CNTN6: variants seen among roughly 807,000 people sequenced by gnomAD.
CNTN6 encodes contactin 6.
Under a neutral mutation model 122.8 loss-of-function variants are expected in CNTN6, and 137 were observed. That is an observed-to-expected ratio of 1.12 (90% CI 0.97 to 1.29). The LOEUF is 1.29. Ranked by LOEUF, CNTN6 falls within the 50% of genes most tolerant of loss-of-function variation. CNTN6 has a pLI of 0.00. For missense variants in CNTN6, 1,634 were observed against 1,223.4 expected (o/e 1.34, Z -5.01); for synonymous variants, 570 against 426.0 (o/e 1.34, Z -4.16).
At chr3:1,309,666 A>G (rs1559782264) in intron 7 of CNTN6, among the ~76,000 whole-genome samples, 1 of 152,168 alleles carries the variant, frequency 6.6e-6, no homozygotes, top group Non-Finnish European at 1.5e-5. Flanking sequence ...TATATCCATG[A>G]AATAGCAATT....
At chr3:1,181,353 AAGG>A (rs2093550987) in intron 2 of CNTN6, among the ~76,000 whole-genome samples, 1 of 152,312 alleles carries the variant, frequency 6.6e-6, no homozygotes, top group South Asian at 2.1e-4. Context: ...GTCACAGAAA[AAGG>A]AGATGACTTC....
intron 17 of CNTN6, among the ~76,000 whole-genome samples, chr3:1,378,611 A>G (rs897463979): frequency 2.0e-5 from 3 of 152,032 alleles, no homozygotes; most frequent in Non-Finnish European, 2.9e-5. Flanking sequence ...ACAGAGGGGG[A>G]AACCCTATTT....
chr3:1,160,158 C>G (rs1055909667), intron 2 of CNTN6, among the ~76,000 whole-genome samples: 7 of 151,722 alleles, frequency 4.6e-5, no homozygotes, highest in African/African-American at 1.7e-4. Context: ...TCCAAAATAT[C>G]TCAGTAAGTA....
At chr3:1,322,420 G>T (rs1700983577) in intron 8 of CNTN6, among the ~76,000 whole-genome samples, 1 of 151,494 alleles carries the variant, frequency 6.6e-6, no homozygotes, top group South Asian at 2.1e-4. Flanking sequence ...TTTAATCCAG[G>T]ATTGAAATTT....
chr3:1,300,557 AAAAGAAAGAAAGAAAGAAAGAAAG>A (rs202226482), intron 7 of CNTN6, among the ~76,000 whole-genome samples: 1,789 of 107,238 alleles, frequency 0.017, 23 homozygotes, highest in African/African-American at 0.035. Context: ...AAGAGAAAGA[AAAAGAAAGAAAGAAAGAAAGAAAG>A]AAAGAAAGAA....
intron 2 of CNTN6, among the ~76,000 whole-genome samples, chr3:1,204,799 A>G (rs1559509573): frequency 6.6e-6 from 1 of 152,118 alleles, no homozygotes; most frequent in Non-Finnish European, 1.5e-5. Flanking sequence ...TAACATGTGT[A>G]ACTAATATAA....
At chr3:1,223,488 A>G (rs1256770542) in intron 3 of CNTN6, among the ~76,000 whole-genome samples, 1 of 152,238 alleles carries the variant, frequency 6.6e-6, no homozygotes, top group Non-Finnish European at 1.5e-5. Flanking sequence ...AGATCACATA[A>G]CACATGAGAA....
intron 4 of CNTN6, among the ~76,000 whole-genome samples, chr3:1,242,396 C>T (rs1394122997): frequency 5.3e-5 from 8 of 152,108 alleles, no homozygotes; most frequent in South Asian, 4.2e-4. Context: ...GTTGATAAGG[C>T]GCAGATCCTG....
chr3:1,348,054 T>G (rs1393857775), intron 11 of CNTN6, among the ~76,000 whole-genome samples: 1 of 150,694 alleles, frequency 6.6e-6, no homozygotes, highest in African/African-American at 2.4e-5. Flanking sequence ...ACCTATTGAC[T>G]GCTAATGGAG....
intron 1 of CNTN6, among the ~76,000 whole-genome samples, chr3:1,119,353 G>GTGTGTGT (rs377642286): frequency 6.7e-6 from 1 of 150,148 alleles, no homozygotes; most frequent in Non-Finnish European, 1.5e-5. Flanking sequence ...GTGTGTGTGT[G>GTGTGTGT]GAGAATGTCT....
intron 4 of CNTN6, among the ~76,000 whole-genome samples, chr3:1,247,781 C>T (rs74680478): frequency 0.02 from 2,989 of 152,138 alleles, 80 homozygotes; most frequent in African/African-American, 0.063. Flanking sequence ...ATGGTAGCTT[C>T]CTATAGCATA....
In CNTN6 at chr3:1,382,960, C is replaced by T. The variant is rs1476113563; in HGVS notation, c.2185C>T (p.Gln729Ter). 2 of 1,613,702 alleles carry T rather than the reference C, an allele frequency of 1.2e-6. No homozygotes were observed. The highest frequency in any genetic ancestry group is 1.7e-5 in the Admixed American group (1 of 59,984). Reference protein sequence around the residue: ...ITWESIPEELQNGEGFGYIIM... With the variant: ...ITWESIPEEL ...GCCCAAGTCAATTCCAGAAGAACTGCAGAATGGGGAGGGATTTGGATATAT... is the reference window on the plus strand; with the variant it reads ...GCCCAAGTCAATTCCAGAAGAACTGTAGAATGGGGAGGGATTTGGATATAT... The change falls in exon 18 of 23, where the codon CAG (glutamine) becomes TAG (stop). Residue 729 changes from glutamine (Q) to a stop codon, truncating the protein, a stop_gained. Coordinates refer to ENST00000446702, the MANE Select transcript of CNTN6 (RefSeq NM_001289080.2). LOFTEE classifies it high-confidence loss of function.
rs752682158 is a variant in CNTN6, at chr3:1,325,863, A to G, written c.995A>G (p.Tyr332Cys). The change falls in exon 9 of 23, where the codon TAT becomes TGT. Residue 332 changes from tyrosine to cysteine, a missense_variant. Transcript: ENST00000446702. ...ATCCAAAATACACACCTCTCTATCT[A>G]TGACAACTTGCTCTGGGAATGTAAA... ...QKIQNTHLSI[Y>C]DNLLWECKAS... The G allele has an allele frequency of 3.1e-6, 5 of 1,611,928 alleles. No homozygotes were observed. The South Asian group carries it at 3.3e-5, about 11-fold the overall frequency.
At chr3:1,289,004 C>T (rs548354270) in intron 5 of CNTN6, among the ~76,000 whole-genome samples, 1 of 152,194 alleles carries the variant, frequency 6.6e-6, no homozygotes, top group Non-Finnish European at 1.5e-5. Context: ...AGCTCTAATG[C>T]TACTGCTGAC....
rs1267821326 is a variant in CNTN6 at position 1,382,937 on chromosome 3, C to CCAAGT, written c.2167-1_2170dup. 2 of 1,606,158 alleles carry CCAAGT rather than the reference C, an allele frequency of 1.2e-6. No individual in the cohort carries two copies. Among genetic ancestry groups the CCAAGT allele is most frequent in the African/African-American group, 1.3e-5 (1 of 74,832 alleles). On this transcript the variant is annotated splice_region_variant and splice_polypyrimidine_tract_variant and intron_variant, in intron 17 of 22. Coordinates refer to ENST00000446702, the MANE Select transcript of CNTN6 (RefSeq NM_001289080.2). ...TACTCAGTGATTGATCACATTCTGC[C>CCAAGT]CAAGTCAATTCCAGAAGAACTGCAG...
chr3:1,392,352 T>C (rs1694287710), intron 20 of CNTN6, among the ~76,000 whole-genome samples: 4 of 152,252 alleles, frequency 2.6e-5, no homozygotes, highest in African/African-American at 9.6e-5. Flanking sequence ...TGGCTACCCA[T>C]ATGTAGAAAG....
rs77541473 is a variant in CNTN6 at position 1,212,503 on chromosome 3, GTATA to G, written c.56-8177_56-8174del. Among the ~76,000 whole-genome samples, 1,062 of 149,760 alleles carry G rather than the reference GTATA, an allele frequency of 7.1e-3. 6 individuals carry two copies. The highest frequency in any genetic ancestry group is 0.042 in the South Asian group (200 of 4,718). ...TGTGTGTGTATATATATACATGTGT[GTATA>G]TATATACATATGTGTGTGTATATAT... On this transcript the variant is annotated intron_variant, in intron 2 of 22. Coordinates refer to ENST00000446702, the MANE Select transcript of CNTN6 (RefSeq NM_001289080.2).
intron 4 of CNTN6, among the ~76,000 whole-genome samples, chr3:1,257,861 G>A (rs374821259): frequency 1.1e-4 from 16 of 152,086 alleles, no homozygotes; most frequent in African/African-American, 2.9e-4. Flanking sequence ...AGATACTAAT[G>A]GTTTCTGATG....
chr3:1,314,602 C>T (rs745472790), intron 7 of CNTN6, among the ~76,000 whole-genome samples: 1 of 152,078 alleles, frequency 6.6e-6, no homozygotes, highest in South Asian at 2.1e-4. Flanking sequence ...TAATTTAACT[C>T]GAAATCAGGA....
Sources: gnomAD v4.1 joint callset for allele counts (sites outside exome capture counted in the v4.1 genomes callset) on GRCh38, gnomAD v4.1.1 for gene constraint, MANE v1.5 for transcripts, NCBI Gene and HGNC (gene_info 2026-07-23, HGNC 2026-07-21) for gene names.